The following ALMS1 variants were observed in gnomAD, a reference collection of about 807,000 sequenced individuals.
The protein encoded by ALMS1 is centrosome-associated protein ALMS1.
ALMS1 carries 271 observed loss-of-function variants against 352.2 expected under a neutral mutation model. The observed-to-expected ratio is 0.77, with a 90% CI of 0.70 to 0.85. The LOEUF is 0.85. ALMS1 is among the 40% of genes least tolerant of loss of function. The probability of loss-of-function intolerance (pLI) is 0.00; values close to 1 mark genes in which losing one functional copy is unlikely to be tolerated. For synonymous variants in ALMS1, 1,865 were observed against 1,761.2 expected (o/e 1.06, Z -1.48); for missense variants, 5,445 against 4,870.7 (o/e 1.12, Z -3.51).
In ALMS1 at chr2:73,536,391, A is replaced by G. The variant is rs181856213; in HGVS notation, c.9907+1442A>G. On this transcript the variant is annotated intron_variant, in intron 12 of 22. Coordinates refer to ENST00000613296, the MANE Select transcript of ALMS1 (RefSeq NM_001378454.1). ...GAGAAGAAAATGACTCAGGACTGGC[A>G]CACTGTATCCTGATAAATATAGTTT... Among the ~76,000 whole-genome samples the G allele has an allele frequency of 1.3e-4, 20 of 152,282 alleles. No homozygotes were observed. In the East Asian group the frequency reaches 3.9e-3, roughly 29 times the overall value.
At chr2:73,400,968 G>A (rs894276978) in intron 1 of ALMS1, among the ~76,000 whole-genome samples, 2 of 152,066 alleles carry the variant, frequency 1.3e-5, no homozygotes, top group African/African-American at 4.8e-5. Context: ...TGCATTTTTA[G>A]TAGATTTAGG....
rs780622565 is a variant in ALMS1, at chr2:73,449,949, C to T, written c.3422C>T (p.Ser1141Leu). The change falls in exon 8 of 23, where the codon TCA (serine) becomes TTA (leucine). Residue 1141 changes from serine (S) to leucine (L), a missense_variant. Transcript: ENST00000613296. ...AAGACTGGCACACCAACTGTAACCT[C>T]AACTTCCTACTCACAACATAGAGAA... ...DQKTGTPTVT[S>L]TSYSQHREKP... 1 of 1,614,044 alleles carries T rather than the reference C, an allele frequency of 6.2e-7. No homozygotes were observed. Among genetic ancestry groups the T allele is most frequent in the Admixed American group, 1.7e-5 (1 of 60,002 alleles).
intron 1 of ALMS1, among the ~76,000 whole-genome samples, chr2:73,400,319 T>C (rs1236412815): frequency 6.6e-6 from 1 of 152,236 alleles, no homozygotes; most frequent in Non-Finnish European, 1.5e-5. Flanking sequence ...TACAATACTT[T>C]TGTACATTGT....
intron 15 of ALMS1, 94 bp from the exon 16 acceptor site, chr2:73,572,168 G>T: frequency 9.2e-7 from 1 of 1,083,754 alleles, no homozygotes; most frequent in South Asian, 1.6e-5. Context: ...CTTTCCTTTA[G>T]TCTTTGTTCT....
chr2:73,609,501 A>G, intron 22 of ALMS1, 67 bp from the exon 23 acceptor site: 1 of 1,435,254 alleles, frequency 7.0e-7, no homozygotes, highest in Non-Finnish European at 9.8e-7. Context: ...GGATGCAGGG[A>G]GGAGAGGCAT....
At chr2:73,447,434 G>C (rs1371775404) in intron 7 of ALMS1, among the ~76,000 whole-genome samples, 1 of 152,004 alleles carries the variant, frequency 6.6e-6, no homozygotes, top group Non-Finnish European at 1.5e-5. Context: ...CATTTGTTGG[G>C]AGAGTCCTTC....
At position 73,448,872 on chromosome 2, in the gene ALMS1, A is replaced by AT; in HGVS notation, c.2346dup (p.Leu783SerfsTer3). 6.2e-7 allele frequency: 1 copy of AT among 1,614,038 alleles called. No homozygotes were observed. On this transcript the variant is annotated frameshift_variant, in exon 8 of 23. Transcript: ENST00000613296. LOFTEE classifies it high-confidence loss of function. ...TACCCACAGGACTTAGCAGACAGTCATCTACCTGAAGAGGGTCTGAAAGTT... is the reference window on the plus strand; with the variant it reads ...TACCCACAGGACTTAGCAGACAGTCATTCTACCTGAAGAGGGTCTGAAAGTT...
chr2:73,476,546 C>A (rs1339270652), intron 9 of ALMS1, among the ~76,000 whole-genome samples: 2 of 151,954 alleles, frequency 1.3e-5, no homozygotes, highest in African/African-American at 4.8e-5. Context: ...TTCTCCACAT[C>A]CTTGCCAATA....
At chr2:73,601,113 A>G (rs1675674966) in intron 18 of ALMS1, 82 bp from the exon 19 acceptor site, 4 of 1,599,516 alleles carry the variant, frequency 2.5e-6, no homozygotes, top group African/African-American at 2.7e-5. Flanking sequence ...AACCTGTATT[A>G]TATGCATATC....
At position 73,534,861 on chromosome 2, in the gene ALMS1, T is replaced by A; in HGVS notation, c.9819T>A (p.Ser3273Arg). The stretch of plus-strand genomic sequence containing the variant: ...TATTGCCATATAAGCCTTCTGGTAG[T>A]ACCAAGATGTATTATGTTCCACAAT... ...PLLLPYKPSG[S>R]TKMYYVPQLR... The change falls in exon 12 of 23, where the codon AGT becomes AGA. Residue 3273 changes from serine to arginine, a missense_variant. Ser to Arg is a moderately radical substitution (Grantham distance 110). Transcript: ENST00000613296. 6.2e-7 allele frequency: 1 copy of A among 1,613,678 alleles called. No individual in the cohort carries two copies. Among genetic ancestry groups the A allele is most frequent in the Non-Finnish European group, 8.5e-7 (1 of 1,179,654 alleles).
chr2:73,486,208 C>T (rs1460076152), intron 9 of ALMS1, among the ~76,000 whole-genome samples: 1 of 151,836 alleles, frequency 6.6e-6, no homozygotes, highest in Non-Finnish European at 1.5e-5. Flanking sequence ...AGATACAAGA[C>T]CTTTGTTGGA....
At chr2:73,535,092 G>A in intron 12 of ALMS1, 143 bp downstream of exon 12, 1 of 1,016,624 alleles carries the variant, frequency 9.8e-7, no homozygotes, top group South Asian at 1.4e-5. Flanking sequence ...CTCTGGTTCA[G>A]ATAGGTGAGT....
At chr2:73,430,411 CT>C (rs1671476709) in intron 6 of ALMS1, among the ~76,000 whole-genome samples, 1 of 152,170 alleles carries the variant, frequency 6.6e-6, no homozygotes, top group Non-Finnish European at 1.5e-5. Context: ...TATTTTGAAA[CT>C]TTAACATAAT....
At position 73,405,205 on chromosome 2, in the gene ALMS1, C is replaced by T. The variant is rs114538989; in HGVS notation, c.325-3417C>T. On this transcript the variant is annotated intron_variant, in intron 1 of 22. Transcript: ENST00000613296. ...CTGGGATTACAGGTGTGAGCCACTG[C>T]GCCTGGCCATGGGCTTTTCTTTTGT... Among the ~76,000 whole-genome samples the T allele has an allele frequency of 6.8e-3, 1,029 of 152,070 alleles. 11 individuals are homozygous for T. The highest frequency in any genetic ancestry group is 0.021 in the African/African-American group (855 of 41,476).
intron 16 of ALMS1, among the ~76,000 whole-genome samples, chr2:73,585,726 C>CATTTTTTTTT (rs749192981): frequency 8.4e-6 from 1 of 119,554 alleles, no homozygotes; most frequent in African/African-American, 3.5e-5. Context: ...ACTTCTTGGC[C>CATTTTTTTTT]TTTTTTTTTT....
rs1050251399 is a variant in ALMS1, at chr2:73,529,402, T to C, written c.9782-5422T>C. Among the ~76,000 whole-genome samples the C allele has an allele frequency of 4.6e-5, 7 of 152,190 alleles. No homozygotes were observed. The South Asian group carries it at 1.5e-3, about 32-fold the overall frequency. ...GTTCCACATCTCTGTTTCTCCAGGATTGGTTTTTAGTGTCATATTTAGTTC... is the reference window on the plus strand; with the variant it reads ...GTTCCACATCTCTGTTTCTCCAGGACTGGTTTTTAGTGTCATATTTAGTTC... On this transcript the variant is annotated intron_variant, in intron 11 of 22. Transcript: ENST00000613296.
rs555730401 is a variant in ALMS1 at position 73,604,997 on chromosome 2, G to A, written c.12362+1693G>A. On this transcript the variant is annotated intron_variant, in intron 21 of 22. Coordinates refer to ENST00000613296, the MANE Select transcript of ALMS1 (RefSeq NM_001378454.1). ...GGAAGCACTTCCTTTGCACCGTGAA[G>A]GATGATGACTGTTTTAAGGAAAAGC... Among the ~76,000 whole-genome samples the A allele has an allele frequency of 8.7e-4, 132 of 152,246 alleles. 1 individual carries two copies. Among genetic ancestry groups the A allele is most frequent in the African/African-American group, 2.6e-3 (107 of 41,500 alleles).
intron 9 of ALMS1, among the ~76,000 whole-genome samples, chr2:73,477,818 C>G (rs1019087184): frequency 2.0e-5 from 3 of 152,124 alleles, no homozygotes; most frequent in African/African-American, 7.2e-5. Flanking sequence ...GTATATTGCA[C>G]TGGCATCCTG....
chr2:73,598,731 G>C (rs1197326702), intron 16 of ALMS1, among the ~76,000 whole-genome samples: 1 of 152,118 alleles, frequency 6.6e-6, no homozygotes, highest in Non-Finnish European at 1.5e-5. Context: ...TAACGATGGA[G>C]ATATTAACAA....
Sources: allele counts gnomAD v4.1 joint callset (sites outside exome capture counted in the v4.1 genomes callset), GRCh38; gene constraint gnomAD v4.1.1; transcripts MANE v1.5; gene names NCBI Gene and HGNC (gene_info 2026-07-23, HGNC 2026-07-21).